Variants in ADAM18 observed in about 807,000 individuals in gnomAD.
ADAM18 encodes the protein ADAM metallopeptidase domain 18, also known as disintegrin and metalloproteinase domain-containing protein 18.
In ADAM18, 117 loss-of-function variants were observed where a neutral mutation model predicts 94.4. The ratio of observed to expected loss-of-function variants is 1.24; its 90% CI spans 1.07 to 1.45. The LOEUF (loss-of-function observed/expected upper bound fraction) is 1.45, where lower values mean the gene tolerates loss of function less well. Ranked by LOEUF, ADAM18 falls within the 40% of genes most tolerant of loss-of-function variation. ADAM18 has a pLI of 0.00. For missense variants in ADAM18, 936 were observed against 880.0 expected (o/e 1.06, Z -0.81); for synonymous variants, 327 against 291.6 (o/e 1.12, Z -1.24).
intron 6 of ADAM18, among the ~76,000 whole-genome samples, chr8:39,626,831 C>T (rs1036988700): frequency 6.6e-6 from 1 of 152,116 alleles, no homozygotes; most frequent in African/African-American, 2.4e-5. Context: ...ATCATATTAT[C>T]TGTCTTGGAG....
intron 2 of ADAM18, among the ~76,000 whole-genome samples, chr8:39,599,258 T>TA (rs1403793526): frequency 6.6e-6 from 1 of 152,134 alleles, no homozygotes; most frequent in South Asian, 2.1e-4. Flanking sequence ...TTGTAATGTA[T>TA]AAAAAAATTT....
intron 2 of ADAM18, among the ~76,000 whole-genome samples, chr8:39,600,880 C>T (rs4376471): frequency 0.58 from 88,213 of 152,078 alleles, 27,242 homozygotes; most frequent in Non-Finnish European, 0.7. Context: ...AGTCTCAATT[C>T]CTATTTGTAT....
chr8:39,609,224 A>C (rs1819186982), intron 4 of ADAM18, 104 bp downstream of exon 4: 1 of 869,370 alleles, frequency 1.2e-6, no homozygotes. Context: ...CCTTACTGAC[A>C]TGTTACTGAC....
At chr8:39,704,538 G>A (rs897342939) in intron 17 of ADAM18, among the ~76,000 whole-genome samples, 2 of 152,072 alleles carry the variant, frequency 1.3e-5, no homozygotes, top group African/African-American at 4.8e-5. Context: ...CATTTTTAAT[G>A]TTTTATCTTG....
rs775187266 is a variant in ADAM18, at chr8:39,584,696, C to A, written c.55+19C>A. 3 of 1,611,660 alleles carry A rather than the reference C, an allele frequency of 1.9e-6. No individual in the cohort carries two copies. In the South Asian group the frequency reaches 3.3e-5, roughly 18 times the overall value. On this transcript the variant is annotated intron_variant, in intron 1 of 19. Transcript: ENST00000265707. ...CACGAAGGTAAGTCCATGGGAGCCT[C>A]CCCTTTCTTCTTCGACTTTATAGCT...
At chr8:39,618,170 C>T (rs1259969207) in intron 6 of ADAM18, among the ~76,000 whole-genome samples, 3 of 152,122 alleles carry the variant, frequency 2.0e-5, no homozygotes, top group Non-Finnish European at 2.9e-5. Flanking sequence ...GCCCGCAATG[C>T]AACGAGGCTC....
At chr8:39,685,250 A>C (rs1423626835) in intron 16 of ADAM18, 1 of 152,244 alleles carries the variant, frequency 6.6e-6, no homozygotes. Flanking sequence ...GGCCCTTGTA[A>C]AGATGGCACC....
chr8:39,685,377 T>C (rs1012727924), intron 16 of ADAM18: 1 of 152,246 alleles, frequency 6.6e-6, no homozygotes, highest in East Asian at 1.9e-4. Flanking sequence ...CGGTTTGCTA[T>C]AATGCAGGGA....
intron 6 of ADAM18, among the ~76,000 whole-genome samples, chr8:39,622,664 C>G (rs892604552): frequency 6.6e-6 from 1 of 151,902 alleles, no homozygotes; most frequent in East Asian, 1.9e-4. Context: ...TACAATCAAA[C>G]TTATTAATTT....
At chr8:39,589,566 C>A (rs1026490247) in intron 2 of ADAM18, among the ~76,000 whole-genome samples, 2 of 151,602 alleles carry the variant, frequency 1.3e-5, no homozygotes, top group South Asian at 4.2e-4. Context: ...CCTTGACATG[C>A]GTATTTTACA....
At chr8:39,620,256 C>T (rs1448954796) in intron 6 of ADAM18, among the ~76,000 whole-genome samples, 2 of 150,456 alleles carry the variant, frequency 1.3e-5, no homozygotes, top group Non-Finnish European at 3.0e-5. Flanking sequence ...AAACCCCAGA[C>T]CATGAAATTA....
At chr8:39,587,945 A>G (rs1818455394) in intron 2 of ADAM18, among the ~76,000 whole-genome samples, 1 of 152,144 alleles carries the variant, frequency 6.6e-6, no homozygotes, top group Non-Finnish European at 1.5e-5. Context: ...GTCATTGAAC[A>G]TTTGGGTTGC....
intron 14 of ADAM18, among the ~76,000 whole-genome samples, chr8:39,673,435 A>G (rs1485801501): frequency 6.6e-6 from 1 of 152,102 alleles, no homozygotes; most frequent in Non-Finnish European, 1.5e-5. Flanking sequence ...CATCATTTAC[A>G]TAGGTATTTC....
chr8:39,692,874 G>A (rs1374957714), intron 17 of ADAM18, among the ~76,000 whole-genome samples, 194 bp downstream of exon 17: 1 of 151,598 alleles, frequency 6.6e-6, no homozygotes, highest in Non-Finnish European at 1.5e-5. Flanking sequence ...ACTGTAAGCA[G>A]TCACAACTTA....
chr8:39,618,337 G>C (rs896956323), intron 6 of ADAM18, among the ~76,000 whole-genome samples: 1 of 152,074 alleles, frequency 6.6e-6, no homozygotes, highest in Non-Finnish European at 1.5e-5. Context: ...TAAGGGTGGG[G>C]GTAGGTTAGT....
intron 16 of ADAM18, among the ~76,000 whole-genome samples, chr8:39,682,953 A>G (rs1289848695): frequency 6.6e-6 from 1 of 152,162 alleles, no homozygotes; most frequent in African/African-American, 2.4e-5. Context: ...ATACCCTCCA[A>G]TATCTTATCT....
intron 7 of ADAM18, among the ~76,000 whole-genome samples, chr8:39,635,593 A>G (rs1820054586): frequency 6.6e-6 from 1 of 152,140 alleles, no homozygotes; most frequent in African/African-American, 2.4e-5. Flanking sequence ...CTATTATAAA[A>G]TTTTTGACAT....
chr8:39,705,603 T>C (rs1007204062), intron 17 of ADAM18, among the ~76,000 whole-genome samples: 5 of 152,140 alleles, frequency 3.3e-5, no homozygotes, highest in African/African-American at 1.2e-4. Context: ...TAAAATACTG[T>C]GCACTAAATA....
chr8:39,592,177 T>A (rs1818587137), intron 2 of ADAM18, among the ~76,000 whole-genome samples: 4 of 152,176 alleles, frequency 2.6e-5, no homozygotes. Flanking sequence ...GGTCACTGAG[T>A]ATCAGCTTCA....
Sources: gnomAD v4.1 joint callset for allele counts (sites outside exome capture counted in the v4.1 genomes callset) on GRCh38, gnomAD v4.1.1 for gene constraint, MANE v1.5 for transcripts, NCBI Gene and HGNC (gene_info 2026-07-23, HGNC 2026-07-21) for gene names.